The following FAM234A variants were observed in gnomAD, a reference collection of about 807,000 sequenced individuals.
FAM234A encodes protein FAM234A.
In FAM234A, 42 loss-of-function variants were observed where a neutral mutation model predicts 49.1. The ratio of observed to expected loss-of-function variants is 0.86; its 90% CI spans 0.67 to 1.11. The LOEUF is 1.11. FAM234A is among the 50% of genes least tolerant of loss of function. The pLI, the probability that FAM234A is intolerant of heterozygous loss-of-function variation, is 0.00. For missense variants in FAM234A, 815 were observed against 745.2 expected (o/e 1.09, Z -1.09); for synonymous variants, 369 against 316.2 (o/e 1.17, Z -1.77).
Position 265,135 on chromosome 16 carries a change from A to T in FAM234A, c.*113A>T. On this transcript the variant is annotated 3_prime_UTR_variant, in exon 13 of 13. Coordinates refer to ENST00000399932, the MANE Select transcript of FAM234A (RefSeq NM_032039.4). Reference sequence around the variant, plus strand: ...GACTCCCCCACTCCTGACCCTGGTGATGGTCGCCACTGGGCAGCAGCAGCC... The same window carrying T: ...GACTCCCCCACTCCTGACCCTGGTGTTGGTCGCCACTGGGCAGCAGCAGCC... 1 of 1,458,306 alleles carries T rather than the reference A, an allele frequency of 6.9e-7. No individual in the cohort carries two copies. Among genetic ancestry groups the T allele is most frequent in the Non-Finnish European group, 9.0e-7 (1 of 1,109,994 alleles). 90.3% of individuals were successfully genotyped at this position (1,458,306 alleles called of 1,614,324 possible).
chr16:261,835 C>A (rs893982510), intron 6 of FAM234A, among the ~76,000 whole-genome samples: 1 of 152,202 alleles, frequency 6.6e-6, no homozygotes, highest in Non-Finnish European at 1.5e-5. Context: ...TCATGTGCCC[C>A]GTGCAGTGTG....
chr16:256,617 C>T (rs952604304), intron 3 of FAM234A, among the ~76,000 whole-genome samples: 5 of 152,044 alleles, frequency 3.3e-5, no homozygotes, highest in Admixed American at 3.3e-4. Context: ...CTACCCCAGG[C>T]TGGAGTGCAA....
At chr16:247,515 C>T (rs1008704247) in intron 1 of FAM234A, among the ~76,000 whole-genome samples, 3 of 151,746 alleles carry the variant, frequency 2.0e-5, no homozygotes, top group Non-Finnish European at 4.4e-5. Context: ...TGACTGCAAC[C>T]TCTGCCTCCC....
At chr16:246,765 T>C (rs1310232289) in intron 1 of FAM234A, among the ~76,000 whole-genome samples, 3 of 149,624 alleles carry the variant, frequency 2.0e-5, no homozygotes, top group African/African-American at 7.4e-5. Flanking sequence ...TGTTTTGTTT[T>C]GTTTTGTTTT....
chr16:267,516 CACG>C (rs2141390201), downstream of FAM234A, among the ~76,000 whole-genome samples: 1 of 152,324 alleles, frequency 6.6e-6, no homozygotes, highest in African/African-American at 2.4e-5. Flanking sequence ...ATGCATCCTA[CACG>C]ACACGTGCAC....
chr16:244,604 A>G (rs188246032), intron 1 of FAM234A, among the ~76,000 whole-genome samples: 1 of 150,998 alleles, frequency 6.6e-6, no homozygotes, highest in African/African-American at 2.4e-5. Context: ...TTTATTTTGG[A>G]CTACTTATAG....
chr16:260,533 C>T (rs1178172673), intron 5 of FAM234A: 3 of 482,404 alleles, frequency 6.2e-6, no homozygotes, highest in Non-Finnish European at 8.5e-6. Context: ...AACCAGCACT[C>T]GGCCCGTCAG....
rs1399315445 is a variant in FAM234A, at chr16:263,480, G to C, written c.1112+78G>C. On this transcript the variant is annotated intron_variant, in intron 9 of 12. Coordinates refer to ENST00000399932, the MANE Select transcript of FAM234A (RefSeq NM_032039.4). Reference sequence around the variant, plus strand: ...CGGGCACATCCCGTTGGCTGGCGAGGAGACAGCGCTGGGGGTGGGGCCGGA... The same window carrying C: ...CGGGCACATCCCGTTGGCTGGCGAGCAGACAGCGCTGGGGGTGGGGCCGGA... The C allele has an allele frequency of 3.8e-6, 6 of 1,565,758 alleles. No homozygotes were observed. The African/African-American group carries it at 8.1e-5, about 21-fold the overall frequency.
rs1221586977 is a variant in FAM234A, at chr16:257,204, C to T, written c.269-2279C>T. Among the ~76,000 whole-genome samples, 3 of 146,356 alleles carry T rather than the reference C, an allele frequency of 2.0e-5. No individual in the cohort carries two copies. In the East Asian group the frequency reaches 6.0e-4, roughly 29 times the overall value. ...TTTCCACTCTCTTGATAGTGTCCTT[C>T]GATGCATAAAAGCTTTTAGTTTCAA... On this transcript the variant is annotated intron_variant, in intron 3 of 12. Coordinates refer to ENST00000399932, the MANE Select transcript of FAM234A (RefSeq NM_032039.4).
At chr16:246,460 C>T (rs1459563414) in intron 1 of FAM234A, among the ~76,000 whole-genome samples, 1 of 135,056 alleles carries the variant, frequency 7.4e-6, no homozygotes, top group Non-Finnish European at 1.5e-5. Flanking sequence ...TGCTCTGTCG[C>T]CCAGGCTGGA....
intron 1 of FAM234A, among the ~76,000 whole-genome samples, chr16:238,483 C>T (rs902817614): frequency 5.3e-5 from 8 of 152,028 alleles, no homozygotes; most frequent in Non-Finnish European, 2.9e-5. Context: ...AATTACTGTT[C>T]TGGCCAGGCA....
intron 8 of FAM234A, 113 bp from the exon 9 acceptor site, chr16:263,149 G>C: frequency 2.4e-6 from 3 of 1,273,636 alleles, no homozygotes; most frequent in Non-Finnish European, 3.3e-6. Context: ...ACTGAGAAAC[G>C]GGTTATGGGG....
Position 243,594 on chromosome 16 carries a change from C to T in FAM234A, c.-139-5955C>T, listed in dbSNP as rs76792961. On this transcript the variant is annotated intron_variant, in intron 1 of 12. Coordinates refer to ENST00000399932, the MANE Select transcript of FAM234A (RefSeq NM_032039.4). ...TGCAAACTGGTTGAATCATGAACTGCCTGGCTTTGGCTGCCTTGCCGTTGT... is the reference window on the plus strand; with the variant it reads ...TGCAAACTGGTTGAATCATGAACTGTCTGGCTTTGGCTGCCTTGCCGTTGT... Among the ~76,000 whole-genome samples the T allele has an allele frequency of 6.9e-3, 1,058 of 152,324 alleles. 15 individuals are homozygous for T. The highest frequency in any genetic ancestry group is 0.024 in the African/African-American group (1,016 of 41,568).
At chr16:251,071 C>T (rs562651835) in intron 2 of FAM234A, among the ~76,000 whole-genome samples, 2 of 152,300 alleles carry the variant, frequency 1.3e-5, no homozygotes, top group Admixed American at 6.5e-5. Context: ...ATTCTCCTGC[C>T]TCAGCCTCCC....
chr16:262,854 C>T (rs931116566), intron 8 of FAM234A, among the ~76,000 whole-genome samples: 2 of 149,818 alleles, frequency 1.3e-5, no homozygotes, highest in African/African-American at 4.9e-5. Flanking sequence ...GAGTCTTGCC[C>T]TGTCCCCCAG....
intron 2 of FAM234A, among the ~76,000 whole-genome samples, chr16:250,887 C>A (rs564642751): frequency 8.9e-4 from 136 of 152,324 alleles, no homozygotes; most frequent in African/African-American, 3.2e-3. Context: ...GAAAAACACA[C>A]CACTGCATTA....
At chr16:257,872 T>C (rs2051297096) in intron 3 of FAM234A, among the ~76,000 whole-genome samples, 2 of 151,900 alleles carry the variant, frequency 1.3e-5, no homozygotes, top group South Asian at 4.2e-4. Context: ...GTTTGTTTGT[T>C]TTTGAGATCG....
intron 1 of FAM234A, among the ~76,000 whole-genome samples, chr16:240,471 A>ATT (rs2050571344): frequency 6.7e-6 from 1 of 149,494 alleles, no homozygotes; most frequent in Non-Finnish European, 1.5e-5. Flanking sequence ...CCCCAAACTT[A>ATT]TTTAAGGCTT....
intron 2 of FAM234A, among the ~76,000 whole-genome samples, chr16:253,095 G>A (rs1293837302): frequency 1.3e-5 from 2 of 152,222 alleles, no homozygotes; most frequent in African/African-American, 4.8e-5. Context: ...AGTCGAAGCA[G>A]CTCAGGCTGG....
Sources: allele counts gnomAD v4.1 joint callset (sites outside exome capture counted in the v4.1 genomes callset), GRCh38; gene constraint gnomAD v4.1.1; transcripts MANE v1.5; gene names NCBI Gene and HGNC (gene_info 2026-07-23, HGNC 2026-07-21).